The following CEP55 variants were observed in gnomAD, a reference collection of about 807,000 sequenced individuals.
CEP55 encodes the protein centrosomal protein 55, also known as centrosomal protein of 55 kDa.
A neutral mutation model predicts 63.2 loss-of-function variants in CEP55; 57 were observed. That is an observed-to-expected ratio of 0.90 (90% CI 0.73 to 1.13). The LOEUF (loss-of-function observed/expected upper bound fraction) is 1.13, where lower values mean the gene tolerates loss of function less well. CEP55 is among the 50% of genes most tolerant of loss of function. The probability of loss-of-function intolerance (pLI) is 0.00; values close to 1 mark genes in which losing one functional copy is unlikely to be tolerated. For missense variants in CEP55, 456 were observed against 518.9 expected, an observed-to-expected ratio of 0.88 and a Z score of 1.18; for synonymous variants, 178 against 191.6, an observed-to-expected ratio of 0.93 and a Z score of 0.59.
rs573758908 is a variant in CEP55, at chr10:93,512,274, C to T, written c.529-3131C>T. Among the ~76,000 whole-genome samples the T allele has an allele frequency of 2.0e-5, 3 of 150,454 alleles. No individual in the cohort carries two copies. The South Asian group carries it at 6.3e-4, about 32-fold the overall frequency. The stretch of plus-strand genomic sequence containing the variant: ...GCTCAGTGGCTCATGCCTGCAATCC[C>T]AGCACTTTGGGAGGCCAAGGCGGGC... On this transcript the variant is annotated intron_variant, in intron 4 of 8. Coordinates refer to ENST00000371485, the MANE Select transcript of CEP55 (RefSeq NM_018131.5).
chr10:93,524,637 A>C (rs1564769985), intron 8 of CEP55, among the ~76,000 whole-genome samples: 1 of 152,200 alleles, frequency 6.6e-6, no homozygotes, highest in African/African-American at 2.4e-5. Context: ...ACACAACAAA[A>C]AAAGAGAATT....
intron 3 of CEP55, among the ~76,000 whole-genome samples, chr10:93,503,727 T>G (rs1291672777): frequency 2.0e-5 from 3 of 152,202 alleles, no homozygotes; most frequent in African/African-American, 7.2e-5. Flanking sequence ...TTTTTGGTTA[T>G]TTTTCATATT....
At chr10:93,501,568 C>G (rs1476364264) in intron 2 of CEP55, among the ~76,000 whole-genome samples, 1 of 151,920 alleles carries the variant, frequency 6.6e-6, no homozygotes, top group East Asian at 1.9e-4. Context: ...ACTCGGGAAG[C>G]TGAGGCAGGA....
chr10:93,519,725 G>A lies in CEP55; in HGVS notation c.1109G>A (p.Arg370His), dbSNP rs138259997. The A allele has an allele frequency of 6.4e-5, 103 of 1,614,084 alleles. No individual in the cohort carries two copies. Among genetic ancestry groups the A allele is most frequent in the African/African-American group, 9.3e-5 (7 of 75,044 alleles). ...TLDFENEKLD[R>H]QHVQHQLHVI... ...GACTTTGAAAATGAAAAACTCGACCGTCAACATGTGCAGCATCAATTGCAT... is the reference window on the plus strand; with the variant it reads ...GACTTTGAAAATGAAAAACTCGACCATCAACATGTGCAGCATCAATTGCAT... The change falls in exon 8 of 9, where the codon CGT becomes CAT. Residue 370 changes from arginine (R) to histidine (H), a missense_variant. Arg to His is a conservative substitution (Grantham distance 29). Transcript: ENST00000371485.
Position 93,500,004 on chromosome 10 carries a change from A to G in CEP55, c.-12-36A>G, listed in dbSNP as rs558657679. On this transcript the variant is annotated intron_variant, in intron 1 of 8. Coordinates refer to ENST00000371485, the MANE Select transcript of CEP55 (RefSeq NM_018131.5). ...TTCAAACTTGAGATTTAAATTTTTAAACTCAGAATTATACAGTTGATTTTT... is the reference window on the plus strand; with the variant it reads ...TTCAAACTTGAGATTTAAATTTTTAGACTCAGAATTATACAGTTGATTTTT... The G allele has an allele frequency of 1.3e-5, 18 of 1,414,372 alleles. No individual in the cohort carries two copies. The South Asian group carries it at 2.4e-4, about 19-fold the overall frequency. The allele number at this position is 1,414,372 out of a possible 1,614,324, so 87.6% of individuals were successfully genotyped here.
intron 8 of CEP55, chr10:93,520,066 C>T: frequency 2.1e-6 from 1 of 481,462 alleles, no homozygotes; most frequent in South Asian, 2.1e-5. Context: ...AGTGCCTGAG[C>T]TGGGGTCAAA....
intron 8 of CEP55, among the ~76,000 whole-genome samples, chr10:93,525,592 A>G (rs1374055875): frequency 2.0e-5 from 3 of 151,990 alleles, no homozygotes; most frequent in Non-Finnish European, 4.4e-5. Flanking sequence ...ACTACTTTAA[A>G]GTTCATATGG....
At chr10:93,505,736 G>A (rs111360147) in intron 3 of CEP55, among the ~76,000 whole-genome samples, 2,851 of 152,250 alleles carry the variant, frequency 0.019, 44 homozygotes, top group Non-Finnish European at 0.029. Context: ...TTGTTGGCCA[G>A]CCTGGCTACC....
intron 3 of CEP55, among the ~76,000 whole-genome samples, chr10:93,504,893 C>T (rs1362274246): frequency 6.6e-6 from 1 of 152,200 alleles, no homozygotes; most frequent in Admixed American, 6.5e-5. Context: ...CAGCTCACTG[C>T]AACCTCCACC....
At chr10:93,504,129 A>T (rs766770103) in intron 3 of CEP55, among the ~76,000 whole-genome samples, 1 of 152,238 alleles carries the variant, frequency 6.6e-6, no homozygotes, top group African/African-American at 2.4e-5. Flanking sequence ...CTTATTGATC[A>T]GACCTTTGAT....
intron 4 of CEP55, among the ~76,000 whole-genome samples, chr10:93,510,257 C>T (rs562280138): frequency 1.9e-3 from 284 of 152,180 alleles, no homozygotes; most frequent in Admixed American, 3.7e-3. Context: ...TTTTAATAGG[C>T]GTTTCTTGCT....
At chr10:93,521,440 C>G (rs201102673) in intron 8 of CEP55, among the ~76,000 whole-genome samples, 1 of 152,160 alleles carries the variant, frequency 6.6e-6, no homozygotes, top group African/African-American at 2.4e-5. Context: ...GTAAACAAAG[C>G]GGCCGGGAAG....
At chr10:93,514,247 GA>G (rs2057780717) in intron 4 of CEP55, among the ~76,000 whole-genome samples, 1 of 152,128 alleles carries the variant, frequency 6.6e-6, no homozygotes, top group Admixed American at 6.5e-5. Context: ...CCCCATTTCT[GA>G]ATAAGGTCAT....
At chr10:93,497,952 C>G (rs115570849) in intron 1 of CEP55, among the ~76,000 whole-genome samples, 1,706 of 152,100 alleles carry the variant, frequency 0.011, 33 homozygotes, top group African/African-American at 0.039. Flanking sequence ...AACCTCATCT[C>G]TACTAATAGA....
intron 3 of CEP55, among the ~76,000 whole-genome samples, chr10:93,504,343 C>T (rs181339576): frequency 2.1e-4 from 32 of 152,054 alleles, no homozygotes; most frequent in African/African-American, 5.5e-4. Context: ...TGTGACGGCA[C>T]GCATCTGTAA....
intron 8 of CEP55, 52 bp downstream of exon 8, chr10:93,519,859 C>A (rs1316191361): frequency 3.1e-6 from 5 of 1,598,484 alleles, no homozygotes; most frequent in South Asian, 2.2e-5. Context: ...CATTTATATA[C>A]CAAATCAGTT....
intron 1 of CEP55, among the ~76,000 whole-genome samples, chr10:93,498,142 CA>C (rs59748994): frequency 5.1e-4 from 70 of 136,680 alleles, no homozygotes; most frequent in Admixed American, 7.4e-4. Context: ...CCGCCCCCGC[CA>C]AAAAAAAAAA....
rs1477901438 is a variant in CEP55, at chr10:93,521,167, G to T, written c.1191+1360G>T. Among the ~76,000 whole-genome samples, 3 of 151,744 alleles carry T rather than the reference G, an allele frequency of 2.0e-5. No homozygotes were observed. In the South Asian group the frequency reaches 6.2e-4, roughly 31 times the overall value. ...TGAGGCATCGCCTCACCCAGGAAGCGCAAGGGGTCAGGGAATTCCCTTTTC... is the reference window on the plus strand; with the variant it reads ...TGAGGCATCGCCTCACCCAGGAAGCTCAAGGGGTCAGGGAATTCCCTTTTC... On this transcript the variant is annotated intron_variant, in intron 8 of 8. Coordinates refer to ENST00000371485, the MANE Select transcript of CEP55 (RefSeq NM_018131.5).
At position 93,516,986 on chromosome 10, in the gene CEP55, CA is replaced by C; in HGVS notation, c.738del (p.Asp247IlefsTer9). 3 of 1,602,572 alleles carry C rather than the reference CA, an allele frequency of 1.9e-6. No individual in the cohort carries two copies. The highest frequency in any genetic ancestry group is 1.1e-5 in the South Asian group (1 of 89,736). ...TGTTACAACGATCTCTTGGCAAGTG[CA>C]AAAAAAGATCTTGAGGTTGAACGAC... The part of the protein sequence containing the change: ...QKCYNDLLAS[A>X]KKDLEVERQT... On this transcript the variant is annotated frameshift_variant, in exon 6 of 9. Coordinates refer to ENST00000371485, the MANE Select transcript of CEP55 (RefSeq NM_018131.5). LOFTEE classifies it high-confidence loss of function.
Sources: gnomAD v4.1 joint callset for allele counts (sites outside exome capture counted in the v4.1 genomes callset) on GRCh38, gnomAD v4.1.1 for gene constraint, MANE v1.5 for transcripts, NCBI Gene and HGNC (gene_info 2026-07-23, HGNC 2026-07-21) for gene names.